The following ELF2 variants were observed in gnomAD, a reference collection of about 807,000 sequenced individuals.
ELF2 encodes E74 like ETS transcription factor 2, also known as ETS-related transcription factor Elf-2.
In ELF2, 11 loss-of-function variants were observed where a neutral mutation model predicts 54.8. The ratio of observed to expected loss-of-function variants is 0.20; its 90% confidence interval spans 0.13 to 0.33. The LOEUF is 0.33. Among genes scored for constraint, ELF2 ranks in the 10% least tolerant of loss-of-function variants. The pLI is 1.00. For missense variants in ELF2, 513 were observed against 703.0 expected (o/e 0.73, Z 3.06); for synonymous variants, 203 against 245.1 (o/e 0.83, Z 1.61).
At chr4:139,111,062 T>A (rs1451208851) in intron 4 of ELF2, among the ~76,000 whole-genome samples, 5 of 152,088 alleles carry the variant, frequency 3.3e-5, no homozygotes, top group Admixed American at 2.0e-4. Flanking sequence ...TTACATTTTT[T>A]AAAAAGAAAA....
intron 4 of ELF2, among the ~76,000 whole-genome samples, chr4:139,079,294 A>G (rs941582965): frequency 1.3e-5 from 2 of 152,174 alleles, no homozygotes; most frequent in African/African-American, 4.8e-5. Context: ...TGCAAATCTT[A>G]TTATACTTGA....
At chr4:139,108,723 C>A (rs1734665669) in intron 4 of ELF2, among the ~76,000 whole-genome samples, 1 of 151,968 alleles carries the variant, frequency 6.6e-6, no homozygotes, top group South Asian at 2.1e-4. Flanking sequence ...ACAAAACATA[C>A]CCTGCTCTGA....
At position 139,137,837 on chromosome 4, in the gene ELF2, C is replaced by A; in HGVS notation, c.-136G>T. On this transcript the variant is annotated 5_prime_UTR_variant, in exon 3 of 10. Coordinates refer to ENST00000686138, the MANE Select transcript of ELF2 (RefSeq NM_001331036.3). ...TGGAGTGGAGTAGATATCCAGAAAT[C>A]CAGTCTTCTAAAGATGATTAACCAG... 7.3e-7 allele frequency: 1 copy of A among 1,365,764 alleles called. No individual in the cohort carries two copies. 84.6% of individuals were successfully genotyped at this position (1,365,764 alleles called of 1,614,324 possible).
chr4:139,065,670 G>A (rs760016728), intron 7 of ELF2, among the ~76,000 whole-genome samples: 2 of 152,060 alleles, frequency 1.3e-5, no homozygotes, highest in Non-Finnish European at 2.9e-5. Context: ...ATAACACACT[G>A]CCTCAAATTT....
rs372099249 is a variant in ELF2, at chr4:139,067,650, C to A, written c.613+34G>T. Reference sequence around the variant, plus strand: ...AAATGTCACCTAACTGAAAAAAAATCATCTCACTTCCAAAGCAACCCTCCC... The same window carrying A: ...AAATGTCACCTAACTGAAAAAAAATAATCTCACTTCCAAAGCAACCCTCCC... On this transcript the variant is annotated intron_variant, in intron 7 of 9. Transcript: ENST00000686138. 6.2e-6 allele frequency: 10 copies of A among 1,603,366 alleles called. No homozygotes were observed. In the South Asian group the frequency reaches 7.7e-5, roughly 12 times the overall value.
intron 3 of ELF2, among the ~76,000 whole-genome samples, chr4:139,129,258 T>A (rs1352957501): frequency 6.6e-6 from 1 of 152,140 alleles, no homozygotes; most frequent in East Asian, 1.9e-4. Flanking sequence ...CTTTCAAGCG[T>A]CTCCTCTGAC....
intron 4 of ELF2, among the ~76,000 whole-genome samples, chr4:139,122,493 T>C (rs985260654): frequency 3.1e-5 from 4 of 127,476 alleles, no homozygotes; most frequent in South Asian, 2.9e-4. Flanking sequence ...ATTCTTTTTT[T>C]AGTTTTTGTT....
intron 1 of ELF2, among the ~76,000 whole-genome samples, chr4:139,167,913 C>T (rs78015689): frequency 2.0e-5 from 3 of 152,048 alleles, no homozygotes; most frequent in Admixed American, 6.6e-5. Flanking sequence ...CCTCTTAAGG[C>T]GTAGCTTTTT....
intron 2 of ELF2, among the ~76,000 whole-genome samples, chr4:139,138,723 T>C (rs1424477737): frequency 2.0e-5 from 3 of 152,236 alleles, no homozygotes; most frequent in Non-Finnish European, 2.9e-5. Context: ...AGAGATTTAT[T>C]TGAATTGCTT....
At chr4:139,174,508 T>C (rs1742707516) in intron 1 of ELF2, among the ~76,000 whole-genome samples, 1 of 152,094 alleles carries the variant, frequency 6.6e-6, no homozygotes, top group Non-Finnish European at 1.5e-5. Context: ...TTGAGTATAG[T>C]GATGGCTGCA....
chr4:139,063,238 A>G (rs1206297595), intron 7 of ELF2, among the ~76,000 whole-genome samples: 1 of 152,178 alleles, frequency 6.6e-6, no homozygotes, highest in African/African-American at 2.4e-5. Context: ...AGCCTGGGCG[A>G]CAGAGTGAAA....
At chr4:139,084,082 C>A (rs562239149) in intron 4 of ELF2, 1 of 1,611,428 alleles carries the variant, frequency 6.2e-7, no homozygotes. Flanking sequence ...CTTCTGTGCA[C>A]CCCCTCTCCT....
In ELF2 at chr4:139,175,497, T is replaced by C. The variant is rs1211415586; in HGVS notation, c.-252+1470A>G. Among the ~76,000 whole-genome samples the C allele has an allele frequency of 3.9e-5, 6 of 152,368 alleles. 1 individual carries two copies. In the East Asian group the frequency reaches 1.2e-3, roughly 29 times the overall value. ...AACTGTAATGCTCTATAAAAAGTTT[T>C]ATTATTCCTAAATTCCCTTAAATGT... On this transcript the variant is annotated intron_variant, in intron 1 of 9. Transcript: ENST00000686138.
chr4:139,124,263 A>G (rs962869898), intron 4 of ELF2, among the ~76,000 whole-genome samples: 3 of 152,190 alleles, frequency 2.0e-5, no homozygotes, highest in African/African-American at 7.2e-5. Flanking sequence ...AAGCAAGGTA[A>G]CTTTCAATCC....
chr4:139,084,347 C>A (rs1230049733), intron 4 of ELF2: 27 of 1,518,196 alleles, frequency 1.8e-5, no homozygotes, highest in Non-Finnish European at 2.2e-5. Flanking sequence ...CCTTGCGCGT[C>A]CTCCGACAGG....
At position 139,131,798 on chromosome 4, in the gene ELF2, C is replaced by CA. The variant is rs70940495; in HGVS notation, c.72+5831dup. ...CCCCTAAGCTAGATGTTCATAATGC[C>CA]AAAAAAAAAAAAAAGAGATAGAAAA... On this transcript the variant is annotated intron_variant, in intron 3 of 9. Coordinates refer to ENST00000686138, the MANE Select transcript of ELF2 (RefSeq NM_001331036.3). Among the ~76,000 whole-genome samples, 395 of 135,504 alleles carry CA rather than the reference C, an allele frequency of 2.9e-3. 1 individual carries two copies. Among genetic ancestry groups the CA allele is most frequent in the East Asian group, 0.014 (63 of 4,492 alleles). 88.9% of individuals were successfully genotyped at this position (135,504 alleles called of 152,430 possible).
rs535742841 is a variant in ELF2 at position 139,147,535 on chromosome 4, G to A, written c.-251-8038C>T. 1.3e-4 allele frequency among the ~76,000 whole-genome samples: 20 copies of A among 152,256 alleles called. No individual in the cohort carries two copies. The South Asian group carries it at 3.9e-3, about 30-fold the overall frequency. On this transcript the variant is annotated intron_variant, in intron 1 of 9. Transcript: ENST00000686138. ...CGCCTAGGCTGGAGAGCAGTGGCGC[G>A]ATCTCGGCTCACGGCAACCTCCTTC... is the stretch of plus-strand genomic sequence containing the variant.
intron 1 of ELF2, among the ~76,000 whole-genome samples, chr4:139,158,321 C>T (rs1233152277): frequency 6.6e-6 from 1 of 152,162 alleles, no homozygotes; most frequent in African/African-American, 2.4e-5. Flanking sequence ...TGGATGTATA[C>T]GTGCAGGTCA....
intron 1 of ELF2, among the ~76,000 whole-genome samples, chr4:139,151,084 G>GAAAGAAAGAAAGA (rs1560871764): frequency 5.3e-5 from 7 of 131,664 alleles, no homozygotes; most frequent in African/African-American, 1.9e-4. Context: ...AAGAAAGAAA[G>GAAAGAAAGAAAGA]AAAGAAAGAA....
Sources: allele counts gnomAD v4.1 joint callset (sites outside exome capture counted in the v4.1 genomes callset), GRCh38; gene constraint gnomAD v4.1.1; transcripts MANE v1.5; gene names NCBI Gene and HGNC (gene_info 2026-07-23, HGNC 2026-07-21).